The following CNBD1 variants were observed in gnomAD, a reference collection of about 807,000 sequenced individuals.
The protein encoded by CNBD1 is cyclic nucleotide-binding domain-containing protein 1.
In CNBD1, 71 loss-of-function variants were observed where a neutral mutation model predicts 54.4. The observed-to-expected ratio is 1.30, with a 90% CI of 1.08 to 1.59. The LOEUF (loss-of-function observed/expected upper bound fraction) is 1.59. Ranked by LOEUF, CNBD1 falls within the 40% of genes most tolerant of loss-of-function variation. The pLI is 0.00. For missense variants in CNBD1, 659 were observed against 518.0 expected (o/e 1.27, Z -2.64); for synonymous variants, 182 against 170.7 (o/e 1.07, Z -0.51).
intron 6 of CNBD1, among the ~76,000 whole-genome samples, chr8:87,270,511 G>T (rs1808340840): frequency 6.6e-6 from 1 of 151,904 alleles, no homozygotes. Context: ...TACATTTTTG[G>T]TTGGGAGTGT....
intron 4 of CNBD1, among the ~76,000 whole-genome samples, chr8:87,083,375 T>C (rs929100282): frequency 6.6e-6 from 1 of 152,122 alleles, no homozygotes; most frequent in Non-Finnish European, 1.5e-5. Flanking sequence ...ATTTGTCATC[T>C]ATTACCTCTA....
At chr8:86,978,119 C>A (rs896420458) in intron 4 of CNBD1, among the ~76,000 whole-genome samples, 3 of 152,134 alleles carry the variant, frequency 2.0e-5, no homozygotes, top group Non-Finnish European at 4.4e-5. Context: ...TGTACTGTAT[C>A]ACTCTCCTTA....
chr8:87,074,706 G>T (rs190305851), intron 4 of CNBD1, among the ~76,000 whole-genome samples: 1 of 152,046 alleles, frequency 6.6e-6, no homozygotes, highest in African/African-American at 2.4e-5. Flanking sequence ...ACCACTCCTG[G>T]GTGGACTATC....
At chr8:87,326,163 C>A (rs904818646) in intron 8 of CNBD1, among the ~76,000 whole-genome samples, 16 of 122,160 alleles carry the variant, frequency 1.3e-4, no homozygotes, top group African/African-American at 2.1e-4. Flanking sequence ...GGGTTTCTGC[C>A]GAGAGATCCG....
At chr8:87,151,507 G>A (rs1812602877) in intron 4 of CNBD1, among the ~76,000 whole-genome samples, 1 of 152,130 alleles carries the variant, frequency 6.6e-6, no homozygotes, top group Non-Finnish European at 1.5e-5. Context: ...GAAAATTAAA[G>A]CAAGGAAGGG....
intron 8 of CNBD1, among the ~76,000 whole-genome samples, chr8:87,300,480 C>G (rs1345266302): frequency 6.6e-6 from 1 of 152,122 alleles, no homozygotes; most frequent in African/African-American, 2.4e-5. Context: ...GACACACTAA[C>G]TTCTAAGAAG....
At chr8:87,128,170 A>G (rs1812038171) in intron 4 of CNBD1, among the ~76,000 whole-genome samples, 1 of 152,118 alleles carries the variant, frequency 6.6e-6, no homozygotes, top group Non-Finnish European at 1.5e-5. Flanking sequence ...TCATCCTTCA[A>G]GTATGTGTGT....
chr8:86,979,530 T>TAGTG (rs1808424607), intron 4 of CNBD1, among the ~76,000 whole-genome samples: 1 of 151,706 alleles, frequency 6.6e-6, no homozygotes, highest in African/African-American at 2.4e-5. Flanking sequence ...GTCGAGACTG[T>TAGTG]AGTGAGCCGT....
chr8:87,364,326 T>G (rs1586048574), intron 10 of CNBD1, among the ~76,000 whole-genome samples: 2 of 151,988 alleles, frequency 1.3e-5, no homozygotes, highest in African/African-American at 4.8e-5. Flanking sequence ...AATATGTGTT[T>G]GACCACTCAT....
intron 4 of CNBD1, among the ~76,000 whole-genome samples, chr8:87,171,637 T>G (rs1314736728): frequency 6.6e-6 from 1 of 151,658 alleles, no homozygotes; most frequent in Non-Finnish European, 1.5e-5. Flanking sequence ...TTTCTTTTTC[T>G]TTCTTTTTTT....
intron 4 of CNBD1, among the ~76,000 whole-genome samples, chr8:87,197,544 G>C (rs1313843645): frequency 6.6e-6 from 1 of 152,122 alleles, no homozygotes; most frequent in Non-Finnish European, 1.5e-5. Flanking sequence ...AACAGGAGGT[G>C]AAATGGGTGT....
chr8:87,291,636 A>G (rs2130875190), intron 8 of CNBD1, among the ~76,000 whole-genome samples: 1 of 152,072 alleles, frequency 6.6e-6, no homozygotes, highest in Non-Finnish European at 1.5e-5. Context: ...TATTTTGTTA[A>G]TCGCCTTATT....
At chr8:87,145,704 G>A (rs1329178385) in intron 4 of CNBD1, among the ~76,000 whole-genome samples, 1 of 152,106 alleles carries the variant, frequency 6.6e-6, no homozygotes, top group East Asian at 1.9e-4. Context: ...GACTTTAAAT[G>A]TGTTAAACCA....
At chr8:86,990,728 A>T (rs1010127577) in intron 4 of CNBD1, among the ~76,000 whole-genome samples, 1 of 152,032 alleles carries the variant, frequency 6.6e-6, no homozygotes, top group Non-Finnish European at 1.5e-5. Context: ...TTTTGTGAAG[A>T]ATTTAATATG....
chr8:87,194,361 G>A (rs1366015914), intron 4 of CNBD1, among the ~76,000 whole-genome samples: 3 of 152,190 alleles, frequency 2.0e-5, no homozygotes, highest in African/African-American at 4.8e-5. Flanking sequence ...TTGTAAAGCT[G>A]AGTGTCTAAA....
intron 6 of CNBD1, among the ~76,000 whole-genome samples, chr8:87,278,499 A>T (rs990441400): frequency 2.0e-5 from 3 of 151,664 alleles, no homozygotes; most frequent in African/African-American, 7.2e-5. Context: ...GAGAACAATA[A>T]CATATATTTT....
At chr8:87,409,455 AG>A (rs902669550) in intron 2 of CNBD1, among the ~76,000 whole-genome samples, 4 of 152,200 alleles carry the variant, frequency 2.6e-5, no homozygotes, top group Non-Finnish European at 5.9e-5. Flanking sequence ...TGAAGCAGCA[AG>A]TGCTGATGTA....
chr8:87,424,838 T>C (rs1808016830), intron 2 of CNBD1, among the ~76,000 whole-genome samples: 2 of 152,292 alleles, frequency 1.3e-5, no homozygotes, highest in South Asian at 4.1e-4. Context: ...TGTGGCATTC[T>C]CTGTATTTCC....
intron 4 of CNBD1, among the ~76,000 whole-genome samples, chr8:87,051,146 A>T (rs543499962): frequency 3.3e-5 from 5 of 152,326 alleles, no homozygotes; most frequent in Non-Finnish European, 5.9e-5. Flanking sequence ...GGATAAAAGC[A>T]GGTTCCTCCA....
Sources: allele counts gnomAD v4.1 joint callset (sites outside exome capture counted in the v4.1 genomes callset), GRCh38; gene constraint gnomAD v4.1.1; transcripts MANE v1.5; gene names NCBI Gene and HGNC (gene_info 2026-07-23, HGNC 2026-07-21).